WDR91: variants seen among roughly 807,000 people sequenced by gnomAD.
WDR91 encodes the protein WD repeat-containing protein 91.
WDR91 carries 52 observed loss-of-function variants against 88.4 expected under a neutral mutation model. That is an observed-to-expected ratio of 0.59 (90% CI 0.47 to 0.74). WDR91 has a LOEUF of 0.74. Among genes scored for constraint, WDR91 ranks in the 30% least tolerant of loss-of-function variants. WDR91 has a pLI of 0.00. For missense variants in WDR91, 824 were observed against 954.5 expected (o/e 0.86, Z 1.80); for synonymous variants, 362 against 389.5 (o/e 0.93, Z 0.83).
At position 135,204,448 on chromosome 7, in the gene WDR91, C is replaced by T. The variant is rs1831689340; in HGVS notation, c.726-15G>A. 1.2e-6 allele frequency: 2 copies of T among 1,613,584 alleles called. No homozygotes were observed. The highest frequency in any genetic ancestry group is 1.3e-5 in the African/African-American group (1 of 75,052). On this transcript the variant is annotated splice_polypyrimidine_tract_variant and intron_variant, in intron 5 of 14. Transcript: ENST00000354475. The stretch of plus-strand genomic sequence containing the variant: ...ACACCATGGCACTGGTCAGCAAACA[C>T]ACCACAGGGTCAGAGGGCTGAAACA...
In WDR91 at chr7:135,185,999, G is replaced by A; in HGVS notation, c.*152C>T. On this transcript the variant is annotated 3_prime_UTR_variant, in exon 15 of 15. Coordinates refer to ENST00000354475, the MANE Select transcript of WDR91 (RefSeq NM_014149.4). ...CGTGGGTCCCATTCCAGTCACCACA[G>A]ATGGAAGCACCTGAGCCTCCTTGCC... 1 of 872,242 alleles carries A rather than the reference G, an allele frequency of 1.1e-6. No individual in the cohort carries two copies. The highest frequency in any genetic ancestry group is 1.6e-6 in the Non-Finnish European group (1 of 606,814). 54.0% of individuals were successfully genotyped at this position (872,242 alleles called of 1,614,324 possible). A position where few individuals can be genotyped will look rare whatever the true frequency, so the allele number is the denominator to read the frequency against.
chr7:135,188,696 G>A, intron 12 of WDR91, 151 bp from the exon 13 acceptor site: 1 of 659,960 alleles, frequency 1.5e-6, no homozygotes, highest in Non-Finnish European at 2.6e-6. Flanking sequence ...GCGCCATAAA[G>A]CTGCCCCTGC....
chr7:135,198,082 C>A lies in WDR91; in HGVS notation c.961G>T (p.Gly321Trp). 1.9e-6 allele frequency: 3 copies of A among 1,614,144 alleles called. No homozygotes were observed. Among genetic ancestry groups the A allele is most frequent in the Non-Finnish European group, 2.5e-6 (3 of 1,179,982 alleles). The stretch of plus-strand genomic sequence containing the variant: ...CGGTGCTGTGACCAACCGGACTCCC[C>A]AGTGGCCAGCCCGCTGAGGAGGCTC... ...GKSLLSGLAT[G>W]ESGWSQHRQR... The change falls in exon 7 of 15, where the codon GGG becomes TGG. Residue 321 changes from glycine (G) to tryptophan (W), a missense_variant. Gly to Trp is a radical substitution (Grantham distance 184, BLOSUM62 -2). Coordinates refer to ENST00000354475, the MANE Select transcript of WDR91 (RefSeq NM_014149.4).
At position 135,200,747 on chromosome 7, in the gene WDR91, G is replaced by A. The variant is rs182497338; in HGVS notation, c.892-2596C>T. ...GACTGCTACAGTTCAGGAGAGACACGGTAACCTCTGTCTTATCATTTGACC... is the reference window on the plus strand; with the variant it reads ...GACTGCTACAGTTCAGGAGAGACACAGTAACCTCTGTCTTATCATTTGACC... On this transcript the variant is annotated intron_variant, in intron 6 of 14. Transcript: ENST00000354475. Among the ~76,000 whole-genome samples the A allele has an allele frequency of 1.1e-3, 166 of 152,182 alleles. 3 individuals are homozygous for A. Among genetic ancestry groups the A allele is most frequent in the Admixed American group, 2.7e-3 (41 of 15,298 alleles).
chr7:135,187,044 G>C lies in WDR91; in HGVS notation c.2007C>G (p.Gly669=). The part of the protein sequence containing the change: ...SGYKQVQVPR[G]RLFAFDSEGN... ...CCTCCGAGTCAAAAGCGAAGAGTCG[G>C]CCCCTGGGGACTTGAACCTGCTTGT... The change falls in exon 14 of 15, where the codon GGC becomes GGG. Residue 669 remains glycine, a synonymous_variant. Coordinates refer to ENST00000354475, the MANE Select transcript of WDR91 (RefSeq NM_014149.4). The C allele has an allele frequency of 6.2e-7, 1 of 1,614,250 alleles. No homozygotes were observed. The highest frequency in any genetic ancestry group is 8.5e-7 in the Non-Finnish European group (1 of 1,180,050).
intron 6 of WDR91, 94 bp downstream of exon 6, chr7:135,204,174 G>A: frequency 1.4e-6 from 2 of 1,443,750 alleles, no homozygotes; most frequent in African/African-American, 1.4e-5. Context: ...TAAAAGGAGG[G>A]CAAACAAGTC....
At chr7:135,209,816 G>A in intron 1 of WDR91, 61 bp from the exon 2 acceptor site, 2 of 1,387,702 alleles carry the variant, frequency 1.4e-6, no homozygotes, top group Non-Finnish European at 1.9e-6. Context: ...CCCCTCCATG[G>A]AATAAAGCTT....
rs995004216 is a variant in WDR91, at chr7:135,184,456, A to C, written c.*1695T>G. ...AGGTCGCCCCTGCCAAACACTGGAGACCAAAGCCCAGGTCCATCACTCCCA... is the reference window on the plus strand; with the variant it reads ...AGGTCGCCCCTGCCAAACACTGGAGCCCAAAGCCCAGGTCCATCACTCCCA... On this transcript the variant is annotated 3_prime_UTR_variant, in exon 15 of 15. Coordinates refer to ENST00000354475, the MANE Select transcript of WDR91 (RefSeq NM_014149.4). The C allele has an allele frequency of 6.6e-6, 1 of 152,208 alleles. No homozygotes were observed. Among genetic ancestry groups the C allele is most frequent in the South Asian group, 2.1e-4 (1 of 4,828 alleles). The allele number at this position is 152,208 out of a possible 1,614,324, so 9.4% of individuals were successfully genotyped here. A position where few individuals can be genotyped will look rare whatever the true frequency, so the allele number is the denominator to read the frequency against.
rs1831675303 is a variant in WDR91 at position 135,204,182 on chromosome 7, G to A, written c.891+86C>T. 13 of 1,516,686 alleles carry A rather than the reference G, an allele frequency of 8.6e-6. No homozygotes were observed. In the South Asian group the frequency reaches 1.4e-4, roughly 16 times the overall value. The allele number at this position is 1,516,686 out of a possible 1,614,324, so 94.0% of individuals were successfully genotyped here. A position where few individuals can be genotyped will look rare whatever the true frequency, so the allele number is the denominator to read the frequency against. On this transcript the variant is annotated intron_variant, in intron 6 of 14. Transcript: ENST00000354475. ...TCAGTCCTAAAAGGAGGGCAAACAA[G>A]TCTACACTTGACCAGGAGGTCTGGA... is the stretch of plus-strand genomic sequence containing the variant.
Position 135,193,360 on chromosome 7 carries a change from G to GA in WDR91, c.1529dup (p.Val511ArgfsTer73). The stretch of plus-strand genomic sequence containing the variant: ...GGCTCGGAGCTGCTGCCGAACAGAC[G>GA]AAAGAGGCCCCGTTGGGGCTGCACG... On this transcript the variant is annotated frameshift_variant, in exon 11 of 15. Coordinates refer to ENST00000354475, the MANE Select transcript of WDR91 (RefSeq NM_014149.4). LOFTEE classifies it high-confidence loss of function. The GA allele has an allele frequency of 6.2e-7, 1 of 1,614,234 alleles. No individual in the cohort carries two copies. The highest frequency in any genetic ancestry group is 8.5e-7 in the Non-Finnish European group (1 of 1,180,050).
chr7:135,198,072 C>A lies in WDR91; in HGVS notation c.971G>T (p.Gly324Val). ...LLSGLATGES[G>V]WSQHRQRRLQ... ...GCGCCGCTGCCGGTGCTGTGACCAA[C>A]CGGACTCCCCAGTGGCCAGCCCGCT... Residue 324 changes from glycine (G) to valine (V), a missense_variant, in exon 7 of 15, where the codon GGT becomes GTT. Coordinates refer to ENST00000354475, the MANE Select transcript of WDR91 (RefSeq NM_014149.4). 1 of 1,614,176 alleles carries A rather than the reference C, an allele frequency of 6.2e-7. No homozygotes were observed. The highest frequency in any genetic ancestry group is 2.2e-5 in the East Asian group (1 of 44,874).
At chr7:135,208,092 TG>T (rs536282948) in intron 3 of WDR91, among the ~76,000 whole-genome samples, 11 of 152,076 alleles carry the variant, frequency 7.2e-5, no homozygotes, top group Non-Finnish European at 1.6e-4. Flanking sequence ...TGCCCATGGG[TG>T]GGCCTCTAAA....
chr7:135,194,573 C>A (rs555535039), intron 9 of WDR91, among the ~76,000 whole-genome samples: 3 of 152,198 alleles, frequency 2.0e-5, no homozygotes, highest in East Asian at 1.9e-4. Context: ...CCCTCACCAG[C>A]GGAAGCCACT....
chr7:135,201,586 AAGAT>A (rs1215601003), intron 6 of WDR91: 1 of 152,222 alleles, frequency 6.6e-6, no homozygotes, highest in African/African-American at 2.4e-5. Context: ...AATTATATTT[AAGAT>A]AGGAAAGTCT....
At chr7:135,188,634 T>C in intron 12 of WDR91, 89 bp from the exon 13 acceptor site, 1 of 1,156,156 alleles carries the variant, frequency 8.6e-7, no homozygotes, top group Non-Finnish European at 1.3e-6. Flanking sequence ...CACCCTCTAC[T>C]CAGGCTGACA....
At chr7:135,197,894 A>C (rs1204003653) in intron 7 of WDR91, 99 bp downstream of exon 7, 2 of 1,450,890 alleles carry the variant, frequency 1.4e-6, no homozygotes, top group Non-Finnish European at 1.9e-6. Flanking sequence ...CACACTCTGC[A>C]CAGCTGCAGA....
chr7:135,207,310 T>A, intron 3 of WDR91, 108 bp from the exon 4 acceptor site: 2 of 931,370 alleles, frequency 2.1e-6, no homozygotes, highest in Non-Finnish European at 3.4e-6. Context: ...GAGAACAGAG[T>A]ATAGGAGCGG....
chr7:135,194,809 G>C, intron 9 of WDR91, 125 bp downstream of exon 9: 1 of 1,325,936 alleles, frequency 7.5e-7, no homozygotes, highest in South Asian at 1.4e-5. Flanking sequence ...GTGTGTCCCT[G>C]AATCCCCAAT....
At chr7:135,188,281 A>T (rs1831027591) in intron 13 of WDR91, 152 bp downstream of exon 13, 5 of 606,056 alleles carry the variant, frequency 8.3e-6, no homozygotes, top group Non-Finnish European at 1.2e-5. Flanking sequence ...CAAAGATTGT[A>T]AGACGAATTA....
Sources: gnomAD v4.1 joint callset for allele counts (sites outside exome capture counted in the v4.1 genomes callset) on GRCh38, gnomAD v4.1.1 for gene constraint, MANE v1.5 for transcripts, NCBI Gene and HGNC (gene_info 2026-07-23, HGNC 2026-07-21) for gene names.